Variants in OPCML observed in about 807,000 individuals in gnomAD.
OPCML encodes the protein opioid binding protein/cell adhesion molecule like.
OPCML carries 13 observed loss-of-function variants against 37.8 expected under a neutral mutation model. That is an observed-to-expected ratio of 0.34 (90% CI 0.22 to 0.55). The LOEUF is 0.55. Ranked by LOEUF, OPCML falls within the 20% of genes least tolerant of loss-of-function variation. The pLI is 0.91. For synonymous variants in OPCML, 176 were observed against 168.8 expected (o/e 1.04, Z -0.33); for missense variants, 341 against 435.6 (o/e 0.78, Z 1.93).
At chr11:133,218,309 T>C (rs1939673504) in intron 1 of OPCML, among the ~76,000 whole-genome samples, 1 of 151,944 alleles carries the variant, frequency 6.6e-6, no homozygotes, top group South Asian at 2.1e-4. Flanking sequence ...TAACTTACTG[T>C]GGAGAGGAGA....
At chr11:133,371,063 G>T (rs1944663811) in intron 1 of OPCML, among the ~76,000 whole-genome samples, 1 of 152,090 alleles carries the variant, frequency 6.6e-6, no homozygotes, top group African/African-American at 2.4e-5. Context: ...ACAGGTATGT[G>T]AAAAAATGCT....
intron 3 of OPCML, among the ~76,000 whole-genome samples, chr11:132,537,865 T>C (rs2096345117): frequency 6.6e-6 from 1 of 152,116 alleles, no homozygotes; most frequent in African/African-American, 2.4e-5. Context: ...CACAATGAGA[T>C]ATCACTTCAC....
intron 2 of OPCML, among the ~76,000 whole-genome samples, chr11:132,838,068 T>C (rs1941119224): frequency 6.6e-6 from 1 of 152,228 alleles, no homozygotes; most frequent in Non-Finnish European, 1.5e-5. Flanking sequence ...CTAATTTGTA[T>C]ACATGCTGAG....
chr11:133,204,909 T>TATACAC (rs1350609719), intron 1 of OPCML, among the ~76,000 whole-genome samples: 13 of 130,682 alleles, frequency 9.9e-5, no homozygotes, highest in East Asian at 5.2e-4. Context: ...TATATATATA[T>TATACAC]ACATACACAT....
At chr11:132,996,292 CA>C (rs1591892313) in intron 1 of OPCML, among the ~76,000 whole-genome samples, 1 of 151,962 alleles carries the variant, frequency 6.6e-6, no homozygotes, top group Non-Finnish European at 1.5e-5. Context: ...GATTTGAAGG[CA>C]AATGTATGGG....
rs1944087657 is a variant in OPCML, at chr11:132,707,636, T to A, written c.147-50317A>T. ...GCATTGTTTTAACCAACATGTAGAA[T>A]TAGTTCACAAAATAAGATAAACTAC... On this transcript the variant is annotated intron_variant, in intron 2 of 7. Transcript: ENST00000524381. Among the ~76,000 whole-genome samples the A allele has an allele frequency of 2.6e-5, 4 of 152,198 alleles. No individual in the cohort carries two copies. In the South Asian group the frequency reaches 8.3e-4, roughly 32 times the overall value.
intron 1 of OPCML, among the ~76,000 whole-genome samples, chr11:133,010,924 G>A (rs1335562305): frequency 6.6e-6 from 1 of 152,178 alleles, no homozygotes; most frequent in Non-Finnish European, 1.5e-5. Context: ...TTGTGTGTAA[G>A]TTCGTAATAA....
chr11:133,292,036 C>T (rs959145085), intron 1 of OPCML, among the ~76,000 whole-genome samples: 4 of 152,268 alleles, frequency 2.6e-5, no homozygotes, highest in Admixed American at 6.5e-5. Flanking sequence ...TCAATATGGC[C>T]GTCGGTGAAG....
At chr11:132,508,878 T>C (rs1254775291) in intron 4 of OPCML, among the ~76,000 whole-genome samples, 2 of 152,040 alleles carry the variant, frequency 1.3e-5, no homozygotes, top group African/African-American at 4.8e-5. Context: ...GTACCAGAAG[T>C]GGGATGCTGC....
chr11:132,690,317 A>G (rs1039417027), intron 2 of OPCML, among the ~76,000 whole-genome samples: 1 of 152,190 alleles, frequency 6.6e-6, no homozygotes, highest in African/African-American at 2.4e-5. Context: ...GTTTCATTCT[A>G]GAGCTTTTGA....
chr11:133,492,937 G>C (rs537894186), intron 1 of OPCML, among the ~76,000 whole-genome samples: 3 of 152,172 alleles, frequency 2.0e-5, no homozygotes, highest in Non-Finnish European at 2.9e-5. Context: ...AGGCACACTG[G>C]AGAATATGCC....
chr11:133,277,171 A>C (rs115471794), intron 1 of OPCML, among the ~76,000 whole-genome samples: 34 of 152,216 alleles, frequency 2.2e-4, no homozygotes, highest in African/African-American at 8.2e-4. Context: ...GTCACTCCTT[A>C]CTTCCAAATA....
chr11:133,417,141 T>C (rs557181885), intron 1 of OPCML, among the ~76,000 whole-genome samples: 3 of 152,190 alleles, frequency 2.0e-5, no homozygotes, highest in African/African-American at 4.8e-5. Context: ...ATGTCCTTTA[T>C]AATAAATAAG....
intron 4 of OPCML, among the ~76,000 whole-genome samples, chr11:132,491,679 G>A (rs985593688): frequency 1.3e-5 from 2 of 152,118 alleles, no homozygotes; most frequent in East Asian, 1.9e-4. Flanking sequence ...TACATGCTAA[G>A]CCTTCGCTTT....
At chr11:133,418,354 T>TA (rs1485838727) in intron 1 of OPCML, 1 of 985,224 alleles carries the variant, frequency 1.0e-6, no homozygotes, top group Non-Finnish European at 1.2e-6. Flanking sequence ...TCAATAGGGG[T>TA]AAAAAAATTC....
chr11:132,698,148 G>A (rs1943668937), intron 2 of OPCML, among the ~76,000 whole-genome samples: 2 of 151,762 alleles, frequency 1.3e-5, no homozygotes, highest in African/African-American at 2.4e-5. Context: ...AATTTTTGAG[G>A]GGGCATATAC....
Position 132,798,631 on chromosome 11 carries a change from G to A in OPCML, c.147-141312C>T, listed in dbSNP as rs138162185. ...TCCATTGAAGTCTTAAACCCCTCAA[G>A]AGTTGGAATAGACTTCCAAGCTTCT... is the stretch of plus-strand genomic sequence containing the variant. On this transcript the variant is annotated intron_variant, in intron 2 of 7. Coordinates refer to ENST00000524381, the MANE Select transcript of OPCML (RefSeq NM_001012393.5). Among the ~76,000 whole-genome samples, 25 of 152,276 alleles carry A rather than the reference G, an allele frequency of 1.6e-4. No individual in the cohort carries two copies. The East Asian group carries it at 4.6e-3, about 28-fold the overall frequency.
At chr11:132,984,964 G>A (rs74798680) in intron 1 of OPCML, among the ~76,000 whole-genome samples, 1 of 151,886 alleles carries the variant, frequency 6.6e-6, no homozygotes, top group South Asian at 2.1e-4. Flanking sequence ...CCTGTCCTTT[G>A]TTCCCCCGTA....
intron 1 of OPCML, among the ~76,000 whole-genome samples, chr11:133,267,815 T>C (rs1941706463): frequency 6.6e-6 from 1 of 152,080 alleles, no homozygotes; most frequent in African/African-American, 2.4e-5. Context: ...AAAGGGCAGT[T>C]CTCCTGCACA....
Sources: gnomAD v4.1 joint callset for allele counts (sites outside exome capture counted in the v4.1 genomes callset) on GRCh38, gnomAD v4.1.1 for gene constraint, MANE v1.5 for transcripts, NCBI Gene and HGNC (gene_info 2026-07-23, HGNC 2026-07-21) for gene names.